GMDS: variants seen among roughly 807,000 people sequenced by gnomAD.
The protein encoded by GMDS is GDP-mannose 4,6-dehydratase, also known as GDP-mannose 4,6 dehydratase.
Under a neutral mutation model 49.9 loss-of-function variants are expected in GMDS, and 20 were observed. The observed-to-expected ratio is 0.40, with a 90% CI of 0.28 to 0.58. The LOEUF (loss-of-function observed/expected upper bound fraction) is 0.58, where lower values mean the gene tolerates loss of function less well. Ranked by LOEUF, GMDS falls within the 20% of genes least tolerant of loss-of-function variation. The probability of loss-of-function intolerance (pLI) is 0.42; values close to 1 mark genes in which losing one functional copy is unlikely to be tolerated. For synonymous variants in GMDS, 177 were observed against 178.6 expected (o/e 0.99, Z 0.07); for missense variants, 362 against 481.4 (o/e 0.75, Z 2.32).
At chr6:2,057,663 T>A (rs918948789) in intron 4 of GMDS, among the ~76,000 whole-genome samples, 1 of 152,230 alleles carries the variant, frequency 6.6e-6, no homozygotes, top group Non-Finnish European at 1.5e-5. Context: ...ACTTTAATCA[T>A]CTGCTATAGT....
chr6:2,193,118 G>A (rs916081556), intron 1 of GMDS, among the ~76,000 whole-genome samples: 1 of 152,102 alleles, frequency 6.6e-6, no homozygotes, highest in Non-Finnish European at 1.5e-5. Context: ...TGGAAACCAG[G>A]AACACTAGAG....
chr6:1,788,725 C>T (rs1482002780), intron 7 of GMDS, among the ~76,000 whole-genome samples: 2 of 152,138 alleles, frequency 1.3e-5, no homozygotes, highest in Non-Finnish European at 2.9e-5. Flanking sequence ...TAATGGAACT[C>T]TATATTTTAG....
At chr6:1,978,540 G>A (rs918972755) in intron 4 of GMDS, among the ~76,000 whole-genome samples, 1 of 152,124 alleles carries the variant, frequency 6.6e-6, no homozygotes, top group Non-Finnish European at 1.5e-5. Flanking sequence ...CTTGTGGGGC[G>A]GGTCCTCCCA....
At chr6:1,921,695 C>T (rs1266646521) in intron 7 of GMDS, among the ~76,000 whole-genome samples, 1 of 152,058 alleles carries the variant, frequency 6.6e-6, no homozygotes, top group African/African-American at 2.4e-5. Flanking sequence ...TAAAGCTGTT[C>T]TTTTTTCTTT....
chr6:2,225,482 T>C (rs1780774741), intron 1 of GMDS, among the ~76,000 whole-genome samples: 1 of 152,220 alleles, frequency 6.6e-6, no homozygotes, highest in Non-Finnish European at 1.5e-5. Flanking sequence ...GCTCCCTAAC[T>C]TGTACCTTCT....
chr6:2,099,832 C>T (rs1008120536), intron 4 of GMDS, among the ~76,000 whole-genome samples: 3 of 151,978 alleles, frequency 2.0e-5, no homozygotes, highest in Non-Finnish European at 4.4e-5. Context: ...AATTGTTTCT[C>T]CCAAAAAGTA....
chr6:2,193,332 TTAA>T (rs1351750328), intron 1 of GMDS, among the ~76,000 whole-genome samples: 5 of 152,178 alleles, frequency 3.3e-5, no homozygotes, highest in Non-Finnish European at 7.3e-5. Context: ...TATTCCAAAT[TTAA>T]CCAAATTTGA....
intron 7 of GMDS, among the ~76,000 whole-genome samples, chr6:1,790,108 T>A (rs1769477382): frequency 1.3e-5 from 2 of 152,168 alleles, no homozygotes; most frequent in Non-Finnish European, 2.9e-5. Context: ...TTCAGAGTCA[T>A]CCCGAAAACC....
intron 8 of GMDS, among the ~76,000 whole-genome samples, chr6:1,729,367 AAC>A (rs145139531): frequency 0.017 from 2,623 of 152,308 alleles, 75 homozygotes; most frequent in African/African-American, 0.059. Flanking sequence ...CTGTCTGCTG[AAC>A]TTGCATCTTG....
chr6:2,090,590 T>C (rs190174025), intron 4 of GMDS, among the ~76,000 whole-genome samples: 57 of 152,334 alleles, frequency 3.7e-4, no homozygotes, highest in African/African-American at 1.3e-3. Context: ...AAAATTGCTT[T>C]CTAGGATTCC....
At chr6:2,008,828 A>T (rs1443695507) in intron 4 of GMDS, among the ~76,000 whole-genome samples, 1 of 151,944 alleles carries the variant, frequency 6.6e-6, no homozygotes, top group African/African-American at 2.4e-5. Context: ...CACTGATCTT[A>T]GTTTGTTACA....
At chr6:2,166,768 C>T (rs1430302126) in intron 1 of GMDS, among the ~76,000 whole-genome samples, 1 of 152,224 alleles carries the variant, frequency 6.6e-6, no homozygotes, top group Non-Finnish European at 1.5e-5. Flanking sequence ...GTTTCTTCAC[C>T]TGCAAAAAAT....
intron 9 of GMDS, among the ~76,000 whole-genome samples, chr6:1,698,897 A>G (rs918675585): frequency 5.9e-5 from 9 of 151,462 alleles, no homozygotes; most frequent in African/African-American, 1.9e-4. Context: ...TGGAATTCCA[A>G]CGATATTGTG....
chr6:1,624,362 G>T, intron 10 of GMDS, 110 bp downstream of exon 10: 1 of 1,291,958 alleles, frequency 7.7e-7, no homozygotes, highest in Non-Finnish European at 1.1e-6. Flanking sequence ...CCCGCACCCC[G>T]CCTTCCGGGC....
At chr6:2,007,311 C>T (rs1767251249) in intron 4 of GMDS, among the ~76,000 whole-genome samples, 1 of 152,150 alleles carries the variant, frequency 6.6e-6, no homozygotes, top group South Asian at 2.1e-4. Flanking sequence ...CATTACAGCA[C>T]ACCATAAGCA....
chr6:1,845,788 T>C (rs760345393), intron 7 of GMDS, among the ~76,000 whole-genome samples: 1 of 152,192 alleles, frequency 6.6e-6, no homozygotes, highest in Non-Finnish European at 1.5e-5. Context: ...GAGAATCTAA[T>C]GCTACCACTG....
chr6:2,022,945 A>T (rs1768366305), intron 4 of GMDS, among the ~76,000 whole-genome samples: 1 of 152,194 alleles, frequency 6.6e-6, no homozygotes, highest in South Asian at 2.1e-4. Context: ...ATCTAAATTT[A>T]TGTAATTAGA....
intron 7 of GMDS, among the ~76,000 whole-genome samples, chr6:1,796,467 G>A (rs1463266233): frequency 6.6e-6 from 1 of 152,288 alleles, no homozygotes; most frequent in Non-Finnish European, 1.5e-5. Context: ...GTATACTGGA[G>A]AGGGGCCCAG....
intron 9 of GMDS, among the ~76,000 whole-genome samples, chr6:1,708,514 T>A (rs1447979820): frequency 6.6e-6 from 1 of 152,104 alleles, no homozygotes; most frequent in Non-Finnish European, 1.5e-5. Flanking sequence ...TCGAGTATGG[T>A]GTAGCTCCAA....
Sources: gnomAD v4.1 joint callset for allele counts (sites outside exome capture counted in the v4.1 genomes callset) on GRCh38, gnomAD v4.1.1 for gene constraint, MANE v1.5 for transcripts, NCBI Gene and HGNC (gene_info 2026-07-23, HGNC 2026-07-21) for gene names.